The following LYRM9 variants were observed in gnomAD, a reference collection of about 807,000 sequenced individuals.
LYRM9 encodes LYR motif-containing protein 9.
LYRM9 carries 14 observed loss-of-function variants against 12.6 expected under a neutral mutation model. The observed-to-expected ratio is 1.11, with a 90% CI of 0.73 to 1.73. The LOEUF is 1.73. LYRM9 is among the 40% of genes most tolerant of loss of function. The pLI, the probability that LYRM9 is intolerant of heterozygous loss-of-function variation, is 0.00. For synonymous variants in LYRM9, 42 were observed against 35.1 expected, an observed-to-expected ratio of 1.20 and a Z score of -0.69; for missense variants, 94 against 95.0, an observed-to-expected ratio of 0.99 and a Z score of 0.04.
chr17:27,893,189 A>G (rs1051083073), intron 1 of LYRM9, 128 bp downstream of exon 1: 1 of 152,156 alleles, frequency 6.6e-6, no homozygotes, highest in African/African-American at 2.4e-5. Context: ...GGTCGCCCCT[A>G]GGTCTTCAAT....
intron 1 of LYRM9, chr17:27,892,551 C>A: frequency 2.6e-6 from 1 of 383,070 alleles, no homozygotes; most frequent in Non-Finnish European, 5.0e-6. Context: ...TCACAAGGGG[C>A]TACTTAATGT....
In LYRM9 at chr17:27,880,369, G is replaced by T. The variant is rs768690707; in HGVS notation, c.127-3C>A. ...TCATCTGAATGAACCCGAAAACTCT[G>T]CAAGTTTAAGCATAAAGAAAGATGA... On this transcript the variant is annotated splice_polypyrimidine_tract_variant and splice_region_variant and intron_variant, in intron 2 of 3. Transcript: ENST00000379102. The T allele has an allele frequency of 5.0e-6, 8 of 1,594,694 alleles. No homozygotes were observed. Among genetic ancestry groups the T allele is most frequent in the South Asian group, 1.1e-5 (1 of 87,988 alleles).
At chr17:27,885,930 C>T (rs775102015) in intron 1 of LYRM9, among the ~76,000 whole-genome samples, 16 of 152,040 alleles carry the variant, frequency 1.1e-4, no homozygotes, top group Non-Finnish European at 1.9e-4. Flanking sequence ...AAGGCAGAGT[C>T]GGACAGGACA....
chr17:27,890,933 C>G (rs1046357719), intron 1 of LYRM9, among the ~76,000 whole-genome samples: 2 of 152,106 alleles, frequency 1.3e-5, no homozygotes, highest in Middle Eastern at 3.4e-3. Flanking sequence ...CTGCCTCCCC[C>G]AGTCCCTCTC....
Position 27,882,604 on chromosome 17 carries a change from C to T in LYRM9, c.91G>A (p.Gly31Ser), listed in dbSNP as rs748296180. The T allele has an allele frequency of 3.1e-6, 5 of 1,596,832 alleles. No homozygotes were observed. In the Admixed American group the frequency reaches 6.9e-5, roughly 22 times the overall value. Residue 31 changes from glycine to serine, a missense_variant, in exon 2 of 4, where the codon GGC (glycine) becomes AGC (serine). Transcript: ENST00000379102. The part of the protein sequence containing the change: ...LRCCQQLPTK[G>S]IQQHYKHAVR... ...GCATGCTTGTAATGCTGCTGGATGC[C>T]CTTGGTCGGCAGCTGCTGGCAACAG... is the stretch of plus-strand genomic sequence containing the variant.
chr17:27,889,598 C>G (rs374298531), intron 1 of LYRM9, among the ~76,000 whole-genome samples: 1 of 152,120 alleles, frequency 6.6e-6, no homozygotes, highest in African/African-American at 2.4e-5. Flanking sequence ...CCACTGCACC[C>G]GGCTCCATGA....
intron 1 of LYRM9, among the ~76,000 whole-genome samples, chr17:27,884,578 C>A (rs1210702751): frequency 6.6e-6 from 1 of 152,242 alleles, no homozygotes; most frequent in Non-Finnish European, 1.5e-5. Flanking sequence ...CGGTCCCTCT[C>A]TGGAGACAGA....
rs1221076555 is a variant in LYRM9 at position 27,886,818 on chromosome 17, G to C, written c.-18-4106C>G. ...ATGCCACCACACCCAGCTAATTTTC[G>C]TATTTTTAGTAGAGATGGGGTTTCT... On this transcript the variant is annotated intron_variant, in intron 1 of 3. Transcript: ENST00000379102. This position sits in a 1 kb window ranked among gnomAD's most constrained non-coding sequence, Gnocchi z 4.8. Among the ~76,000 whole-genome samples, 1 of 151,780 alleles carries C rather than the reference G, an allele frequency of 6.6e-6. No homozygotes were observed. The highest frequency in any genetic ancestry group is 2.1e-4 in the South Asian group (1 of 4,816).
intron 1 of LYRM9, chr17:27,882,949 C>T (rs1158698878): frequency 1.6e-6 from 1 of 607,582 alleles, no homozygotes; most frequent in Non-Finnish European, 3.2e-6. Flanking sequence ...AGCCTCATCC[C>T]TGGCGTCTTC....
At chr17:27,880,650 GC>G in intron 2 of LYRM9, 2 of 490,372 alleles carry the variant, frequency 4.1e-6, no homozygotes, top group South Asian at 2.4e-5. Flanking sequence ...GCCAAATCAA[GC>G]TAGGCCCAAA....
In LYRM9 at chr17:27,878,440, A is replaced by G. The variant is rs1193693933; in HGVS notation, c.*1033T>C. ...ATCTCTGAGTCACTTTAAGTCACAT[A>G]ACTGCAAGGATACAAACAAACACTA... On this transcript the variant is annotated 3_prime_UTR_variant, in exon 4 of 4. Coordinates refer to ENST00000379102, the MANE Select transcript of LYRM9 (RefSeq NM_001076680.3). 2 of 152,230 alleles carry G rather than the reference A, an allele frequency of 1.3e-5. No individual in the cohort carries two copies. Among genetic ancestry groups the G allele is most frequent in the African/African-American group, 2.4e-5 (1 of 41,462 alleles). 9.4% of individuals were successfully genotyped at this position (152,230 alleles called of 1,614,324 possible). A position where few individuals can be genotyped will look rare whatever the true frequency, so the allele number is the denominator to read the frequency against.
intron 1 of LYRM9, among the ~76,000 whole-genome samples, chr17:27,883,663 AAGAG>A (rs911731371): frequency 1.1e-4 from 16 of 151,286 alleles, no homozygotes; most frequent in Non-Finnish European, 1.2e-4. Flanking sequence ...AAAAAAAAAA[AAGAG>A]AGAGAATCAC....
rs1272284463 is a variant in LYRM9 at position 27,879,235 on chromosome 17, A to C, written c.*238T>G. 2.2e-6 allele frequency: 1 copy of C among 450,396 alleles called. No homozygotes were observed. The highest frequency in any genetic ancestry group is 2.0e-5 in the African/African-American group (1 of 48,972). The allele number at this position is 450,396 out of a possible 1,614,324, so 27.9% of individuals were successfully genotyped here. A position where few individuals can be genotyped will look rare whatever the true frequency, so the allele number is the denominator to read the frequency against. On this transcript the variant is annotated 3_prime_UTR_variant, in exon 4 of 4. Transcript: ENST00000379102. ...AAAATAAAAAACACACAAAAGAAGC[A>C]AAAAAATACTACATTCTCCCCAAAT...
chr17:27,889,497 G>A (rs1435334734), intron 1 of LYRM9, among the ~76,000 whole-genome samples: 1 of 151,844 alleles, frequency 6.6e-6, no homozygotes, highest in African/African-American at 2.4e-5. Flanking sequence ...TAGTAGAGAC[G>A]GAGTTTCGCC....
At chr17:27,879,861 A>C in intron 3 of LYRM9, 1 of 572,536 alleles carries the variant, frequency 1.7e-6, no homozygotes, top group Non-Finnish European at 3.1e-6. Flanking sequence ...CCACCAAAAC[A>C]TACTGAATGT....
intron 2 of LYRM9, chr17:27,880,580 C>T: frequency 1.7e-6 from 1 of 582,712 alleles, no homozygotes; most frequent in Non-Finnish European, 3.0e-6. Context: ...GTCTATGTGA[C>T]TGCAAAGCAT....
At chr17:27,885,987 G>A (rs776604783) in intron 1 of LYRM9, among the ~76,000 whole-genome samples, 63 of 152,036 alleles carry the variant, frequency 4.1e-4, no homozygotes, top group Non-Finnish European at 7.5e-4. Flanking sequence ...ATGCCAGTCC[G>A]ACTCACCACC....
At chr17:27,880,244 G>T in intron 3 of LYRM9, 30 bp downstream of exon 3, 2 of 1,539,992 alleles carry the variant, frequency 1.3e-6, no homozygotes, top group Admixed American at 1.8e-5. Flanking sequence ...ACCCCAGCTC[G>T]CAGGCAGAGC....
chr17:27,885,620 G>C (rs922111070), intron 1 of LYRM9, among the ~76,000 whole-genome samples: 4 of 149,138 alleles, frequency 2.7e-5, no homozygotes, highest in Non-Finnish European at 5.9e-5. Flanking sequence ...TGTGATGGGA[G>C]GATCACTTCA....
Sources: gnomAD v4.1 joint callset for allele counts (sites outside exome capture counted in the v4.1 genomes callset) on GRCh38, gnomAD v4.1.1 for gene constraint, Gnocchi (gnomAD v3.1) non-coding constraint, MANE v1.5 for transcripts, NCBI Gene and HGNC (gene_info 2026-07-23, HGNC 2026-07-21) for gene names.